Variants in HYCC2 observed in about 807,000 individuals in gnomAD.
The protein encoded by HYCC2 is hyccin 2.
chr2:201,001,674 A>T, the HYCC2 span, among the ~76,000 whole-genome samples: 2 of 151,736 alleles, frequency 1.3e-5, no homozygotes, highest in Non-Finnish European at 2.9e-5. Context: ...TTTTATTTCT[A>T]TTTTTATTTT....
At chr2:201,012,522 G>A in the HYCC2 span, among the ~76,000 whole-genome samples, 2 of 152,066 alleles carry the variant, frequency 1.3e-5, no homozygotes, top group Admixed American at 6.5e-5. Context: ...TTCCTATTAG[G>A]TAATTTTTAC....
At chr2:200,994,447 G>A in the HYCC2 span, among the ~76,000 whole-genome samples, 1 of 152,216 alleles carries the variant, frequency 6.6e-6, no homozygotes, top group East Asian at 1.9e-4. Flanking sequence ...ATGTTGGCCA[G>A]GCTGGTCTCA....
chr2:201,021,724 A>T, the HYCC2 span: 2 of 208,746 alleles, frequency 9.6e-6, no homozygotes, highest in South Asian at 1.4e-4. Context: ...CATTTTAATA[A>T]GCAAAGCTTA....
At chr2:201,036,214 T>A in the HYCC2 span, among the ~76,000 whole-genome samples, 1 of 152,110 alleles carries the variant, frequency 6.6e-6, no homozygotes. Context: ...ATCTCTGAAT[T>A]GACCAATAAC....
chr2:200,989,957 T>C, the HYCC2 span, among the ~76,000 whole-genome samples: 1 of 152,072 alleles, frequency 6.6e-6, no homozygotes, highest in Non-Finnish European at 1.5e-5. Flanking sequence ...AAATCCATAG[T>C]CAAATCACCG....
the HYCC2 span, among the ~76,000 whole-genome samples, chr2:200,998,821 A>G: frequency 3.3e-5 from 5 of 152,210 alleles, no homozygotes; most frequent in African/African-American, 1.2e-4. Context: ...GGGTTTATGG[A>G]AACTCTTTGT....
the HYCC2 span, among the ~76,000 whole-genome samples, chr2:201,024,426 C>T: frequency 6.6e-6 from 1 of 152,124 alleles, no homozygotes; most frequent in Admixed American, 6.5e-5. Context: ...GAGATAGAGG[C>T]TGCAGTGAGC....
the HYCC2 span, among the ~76,000 whole-genome samples, chr2:201,026,969 C>G: frequency 6.6e-6 from 1 of 152,222 alleles, no homozygotes; most frequent in Admixed American, 6.5e-5. Flanking sequence ...AAGATCAGAG[C>G]AGAACTGAGG....
At chr2:200,987,204 T>C in the HYCC2 span, among the ~76,000 whole-genome samples, 1 of 152,158 alleles carries the variant, frequency 6.6e-6, no homozygotes, top group Admixed American at 6.6e-5. Flanking sequence ...CCTGGTGCTA[T>C]GTATATGAGG....
At chr2:201,026,203 A>G in the HYCC2 span, among the ~76,000 whole-genome samples, 1 of 152,216 alleles carries the variant, frequency 6.6e-6, no homozygotes, top group Non-Finnish European at 1.5e-5. Flanking sequence ...AACAAAGATC[A>G]AAAGAGACAA....
the HYCC2 span, chr2:200,987,630 G>A: frequency 3.4e-6 from 3 of 890,190 alleles, no homozygotes; most frequent in Middle Eastern, 8.1e-4. Context: ...ATATGGATAT[G>A]ATATAAACAC....
the HYCC2 span, among the ~76,000 whole-genome samples, chr2:201,027,942 T>C: frequency 6.0e-5 from 9 of 150,854 alleles, no homozygotes; most frequent in Admixed American, 3.9e-4. Context: ...CTATTCAACA[T>C]AGTGTTGGAA....
chr2:201,063,747 G>A, the HYCC2 span: 5 of 1,587,550 alleles, frequency 3.1e-6, no homozygotes, highest in Non-Finnish European at 4.3e-6. Flanking sequence ...GGTCATGGAA[G>A]AAACTTCAGT....
the HYCC2 span, among the ~76,000 whole-genome samples, chr2:201,027,423 C>A: frequency 6.6e-6 from 1 of 152,070 alleles, no homozygotes; most frequent in Non-Finnish European, 1.5e-5. Context: ...AAAACTATTC[C>A]AATCAATAGA....
the HYCC2 span, chr2:200,974,581 A>C: frequency 6.6e-6 from 1 of 150,992 alleles, no homozygotes; most frequent in Admixed American, 6.6e-5. Flanking sequence ...AAACAAACAA[A>C]CCCCCCCAAA....
chr2:200,993,563 T>G, the HYCC2 span, among the ~76,000 whole-genome samples: 8 of 152,294 alleles, frequency 5.3e-5, no homozygotes, highest in South Asian at 1.7e-3. Flanking sequence ...AGTAAGATAA[T>G]TATAATAGTG....
the HYCC2 span, among the ~76,000 whole-genome samples, chr2:201,055,292 A>T: frequency 6.7e-6 from 1 of 150,316 alleles, no homozygotes; most frequent in South Asian, 2.1e-4. Context: ...CCATCACCAT[A>T]CTCTTTTCAT....
chr2:201,024,420 T>C, the HYCC2 span, among the ~76,000 whole-genome samples: 1 of 151,948 alleles, frequency 6.6e-6, no homozygotes, highest in African/African-American at 2.4e-5. Context: ...CCACCGGAGA[T>C]AGAGGCTGCA....
At chr2:201,035,002 C>A in the HYCC2 span, among the ~76,000 whole-genome samples, 23 of 151,630 alleles carry the variant, frequency 1.5e-4, no homozygotes, top group Non-Finnish European at 3.1e-4. Flanking sequence ...CCTTTGTGGG[C>A]AACCCGACCT....
Sources: gnomAD v4.1 joint callset for allele counts (sites outside exome capture counted in the v4.1 genomes callset) on GRCh38, gnomAD v4.1.1 for gene constraint, MANE v1.5 for transcripts, NCBI Gene and HGNC (gene_info 2026-07-23, HGNC 2026-07-21) for gene names.